Variants in ITSN1 observed in about 807,000 individuals in gnomAD.
ITSN1 encodes the protein intersectin-1.
ITSN1 carries 58 observed loss-of-function variants against 239.8 expected under a neutral mutation model. The ratio of observed to expected loss-of-function variants is 0.24; its 90% CI spans 0.20 to 0.30. The LOEUF is 0.30. Among genes scored for constraint, ITSN1 ranks in the 10% least tolerant of loss-of-function variants. The pLI is 1.00. For missense variants in ITSN1, 1,558 were observed against 2,103.3 expected, an observed-to-expected ratio of 0.74 and a Z score of 5.07; for synonymous variants, 780 against 770.8, an observed-to-expected ratio of 1.01 and a Z score of -0.20.
intron 33 of ITSN1, among the ~76,000 whole-genome samples, chr21:33,870,128 G>A (rs1982460637): frequency 6.6e-6 from 1 of 152,126 alleles, no homozygotes; most frequent in South Asian, 2.1e-4. Flanking sequence ...TCCAGCCCCA[G>A]CTCAACTCCA....
intron 8 of ITSN1, among the ~76,000 whole-genome samples, chr21:33,756,581 A>T (rs1482602055): frequency 1.3e-5 from 2 of 152,168 alleles, no homozygotes; most frequent in Non-Finnish European, 2.9e-5. Flanking sequence ...AAAATGTCAG[A>T]GTTGGACGAG....
chr21:33,846,834 G>T (rs1489752127), intron 29 of ITSN1, among the ~76,000 whole-genome samples: 1 of 152,166 alleles, frequency 6.6e-6, no homozygotes, highest in Non-Finnish European at 1.5e-5. Flanking sequence ...TGTAAACGAG[G>T]CACCATCGTT....
chr21:33,756,976 G>A (rs930473456), intron 8 of ITSN1: 1 of 151,648 alleles, frequency 6.6e-6, no homozygotes, highest in African/African-American at 2.4e-5. Context: ...ATGTTGCTCA[G>A]GCTGGTCTCA....
intron 1 of ITSN1, among the ~76,000 whole-genome samples, chr21:33,682,934 A>G (rs1349296510): frequency 6.6e-6 from 1 of 152,128 alleles, no homozygotes; most frequent in Admixed American, 6.6e-5. Flanking sequence ...GGCAGTTGTA[A>G]AGGTCGTAGA....
At chr21:33,833,360 G>C (rs2074405507) in intron 27 of ITSN1, among the ~76,000 whole-genome samples, 1 of 152,176 alleles carries the variant, frequency 6.6e-6, no homozygotes, top group African/African-American at 2.4e-5. Context: ...GAGTCTCCTT[G>C]TGTTCTGTGT....
chr21:33,785,445 A>G (rs1032129510), intron 16 of ITSN1, among the ~76,000 whole-genome samples: 5 of 148,464 alleles, frequency 3.4e-5, no homozygotes, highest in African/African-American at 1.2e-4. Flanking sequence ...TCAAAAAACT[A>G]AATACACTTA....
chr21:33,862,460 A>C (rs1422750501), intron 31 of ITSN1, among the ~76,000 whole-genome samples: 1 of 152,212 alleles, frequency 6.6e-6, no homozygotes, highest in Non-Finnish European at 1.5e-5. Context: ...GTGAGAAAGA[A>C]GAAGAAAAGG....
Position 33,750,261 on chromosome 21 carries a change from G to T in ITSN1, c.465G>T (p.Val155=), listed in dbSNP as rs1569093680. The change falls in exon 6 of 40, where the codon GTG becomes GTT. Residue 155 remains valine, a synonymous_variant. Coordinates refer to ENST00000381318, the MANE Select transcript of ITSN1 (RefSeq NM_003024.3). Reference sequence around the variant, plus strand: ...TATCTTCTGTTCCCACAGCAGCTGTGCCCCCCCTGGCTAACGGGGCTCCCC... The same window carrying T: ...TATCTTCTGTTCCCACAGCAGCTGTTCCCCCCCTGGCTAACGGGGCTCCCC... ...TLVSSVPTAA[V]PPLANGAPPV... 1.2e-6 allele frequency: 2 copies of T among 1,613,870 alleles called. No individual in the cohort carries two copies. The highest frequency in any genetic ancestry group is 2.2e-5 in the East Asian group (1 of 44,866).
intron 7 of ITSN1, among the ~76,000 whole-genome samples, chr21:33,752,909 C>T (rs1368212454): frequency 1.3e-5 from 2 of 152,010 alleles, no homozygotes; most frequent in African/African-American, 4.8e-5. Context: ...GTCATTTTCC[C>T]ACTTTCAAGA....
At chr21:33,760,141 A>G (rs565525020) in intron 8 of ITSN1, among the ~76,000 whole-genome samples, 21 of 152,076 alleles carry the variant, frequency 1.4e-4, no homozygotes, top group Admixed American at 6.6e-5. Flanking sequence ...AAAACAGTAG[A>G]ATGGACAATG....
At position 33,895,416 on chromosome 21, in the gene ITSN1, C is replaced by A. The variant is rs902919099; in HGVS notation, c.*7116C>A. On this transcript the variant is annotated 3_prime_UTR_variant, in exon 40 of 40. Transcript: ENST00000381318. The stretch of plus-strand genomic sequence containing the variant: ...CAGCTCAGTGCGTGGTGTGTGCATG[C>A]GTGTTTGTGCGTGCGTGTGCATGTA... 1 of 138,994 alleles carries A rather than the reference C, an allele frequency of 7.2e-6. No homozygotes were observed. The highest frequency in any genetic ancestry group is 2.5e-5 in the African/African-American group (1 of 39,458). The allele number at this position is 138,994 out of a possible 1,614,324, so 8.6% of individuals were successfully genotyped here.
intron 4 of ITSN1, among the ~76,000 whole-genome samples, chr21:33,733,155 A>G (rs2066292377): frequency 6.6e-6 from 1 of 152,212 alleles, no homozygotes; most frequent in East Asian, 1.9e-4. Context: ...GGATCACAAT[A>G]TACCAGAGAG....
chr21:33,873,888 C>A (rs1311644156), intron 33 of ITSN1, among the ~76,000 whole-genome samples: 2 of 138,878 alleles, frequency 1.4e-5, no homozygotes, highest in Non-Finnish European at 3.1e-5. Flanking sequence ...TGGCTGGGTG[C>A]GGTGGCTCGC....
chr21:33,852,640 AAGGG>A (rs1418572290), intron 29 of ITSN1, among the ~76,000 whole-genome samples: 4 of 152,136 alleles, frequency 2.6e-5, no homozygotes, highest in African/African-American at 9.7e-5. Flanking sequence ...GGCAACATCT[AAGGG>A]ACGGCACACA....
chr21:33,795,320 G>A (rs1461902300), intron 17 of ITSN1, among the ~76,000 whole-genome samples: 9 of 152,126 alleles, frequency 5.9e-5, no homozygotes, highest in Non-Finnish European at 7.4e-5. Context: ...ACGGTGGCAC[G>A]CGCCTGTAGT....
chr21:33,694,040 G>C (rs1353480119), intron 1 of ITSN1, among the ~76,000 whole-genome samples: 1 of 152,048 alleles, frequency 6.6e-6, no homozygotes, highest in Non-Finnish European at 1.5e-5. Flanking sequence ...TGGAGACAGA[G>C]TCTTGCTCTT....
At position 33,814,080 on chromosome 21, in the gene ITSN1, C is replaced by T; in HGVS notation, c.2727+8C>T. The T allele has an allele frequency of 6.2e-7, 1 of 1,613,602 alleles. No individual in the cohort carries two copies. Among genetic ancestry groups the T allele is most frequent in the African/African-American group, 1.3e-5 (1 of 75,006 alleles). On this transcript the variant is annotated splice_region_variant and intron_variant, in intron 22 of 39. Coordinates refer to ENST00000381318, the MANE Select transcript of ITSN1 (RefSeq NM_003024.3). ...TCTCCTGTGCTAGGCCAGGTAAAGG[C>T]AGCCAGTGAGAGTGTGAAGACTTAG... is the stretch of plus-strand genomic sequence containing the variant.
intron 27 of ITSN1, 109 bp downstream of exon 27, chr21:33,829,854 A>G: frequency 7.6e-7 from 1 of 1,316,368 alleles, no homozygotes; most frequent in East Asian, 2.4e-5. Flanking sequence ...CACCACCTAA[A>G]TTCTGTATTT....
At chr21:33,793,370 T>G (rs759799516) in intron 16 of ITSN1, among the ~76,000 whole-genome samples, 2 of 152,162 alleles carry the variant, frequency 1.3e-5, no homozygotes, top group Non-Finnish European at 2.9e-5. Context: ...GGACCAGCCC[T>G]GGTTAGATCA....
Sources: allele counts gnomAD v4.1 joint callset (sites outside exome capture counted in the v4.1 genomes callset), GRCh38; gene constraint gnomAD v4.1.1; transcripts MANE v1.5; gene names NCBI Gene and HGNC (gene_info 2026-07-23, HGNC 2026-07-21).